LRRC4C: variants seen among roughly 807,000 people sequenced by gnomAD.
LRRC4C encodes the protein leucine rich repeat containing 4C, also known as leucine-rich repeat-containing protein 4C.
A neutral mutation model predicts 33.6 loss-of-function variants in LRRC4C; 5 were observed. That is an observed-to-expected ratio of 0.15 (90% confidence interval 0.08 to 0.31). The LOEUF (loss-of-function observed/expected upper bound fraction) is 0.31. Ranked by LOEUF, LRRC4C falls within the 10% of genes least tolerant of loss-of-function variation. The probability of loss-of-function intolerance (pLI) is 1.00; values close to 1 mark genes in which losing one functional copy is unlikely to be tolerated. For missense variants in LRRC4C, 560 were observed against 796.7 expected, an observed-to-expected ratio of 0.70 and a Z score of 3.58; for synonymous variants, 329 against 302.0, an observed-to-expected ratio of 1.09 and a Z score of -0.93.
chr11:41,442,883 AT>A (rs1955684620), intron 1 of LRRC4C, among the ~76,000 whole-genome samples: 1 of 152,086 alleles, frequency 6.6e-6, no homozygotes, highest in Non-Finnish European at 1.5e-5. Context: ...CTGCCCAACA[AT>A]TACAATGACT....
At chr11:40,582,441 C>G (rs938168049) in intron 3 of LRRC4C, among the ~76,000 whole-genome samples, 7 of 150,372 alleles carry the variant, frequency 4.7e-5, no homozygotes, top group Admixed American at 3.3e-4. Flanking sequence ...CATCCATAGT[C>G]TTTAAAATTC....
intron 3 of LRRC4C, among the ~76,000 whole-genome samples, chr11:40,514,910 T>A (rs1415444434): frequency 2.0e-5 from 3 of 152,122 alleles, no homozygotes; most frequent in Admixed American, 1.3e-4. Flanking sequence ...GACTAGAGTT[T>A]TATAAACCTA....
intron 3 of LRRC4C, among the ~76,000 whole-genome samples, chr11:40,615,762 T>C (rs1961746986): frequency 6.6e-6 from 1 of 151,722 alleles, no homozygotes; most frequent in Non-Finnish European, 1.5e-5. Context: ...CATTCCCTCT[T>C]AACCTTAAAA....
At chr11:40,531,626 G>A (rs769194940) in intron 3 of LRRC4C, among the ~76,000 whole-genome samples, 1 of 152,014 alleles carries the variant, frequency 6.6e-6, no homozygotes, top group Non-Finnish European at 1.5e-5. Flanking sequence ...TTTTGCCTAA[G>A]AGAATATGAA....
At chr11:41,075,241 G>A (rs1319783564) in intron 1 of LRRC4C, among the ~76,000 whole-genome samples, 3 of 151,762 alleles carry the variant, frequency 2.0e-5, no homozygotes, top group African/African-American at 7.3e-5. Flanking sequence ...ATCAATACCA[G>A]CAGTGAAAGT....
At chr11:40,202,371 C>G (rs1452408205) in intron 5 of LRRC4C, among the ~76,000 whole-genome samples, 1 of 151,764 alleles carries the variant, frequency 6.6e-6, no homozygotes, top group Non-Finnish European at 1.5e-5. Context: ...TATCCTCTAA[C>G]CTTGAGAAAA....
intron 1 of LRRC4C, among the ~76,000 whole-genome samples, chr11:41,242,319 A>G (rs1948285247): frequency 6.6e-6 from 1 of 152,100 alleles, no homozygotes; most frequent in South Asian, 2.1e-4. Flanking sequence ...GAACTTTCAA[A>G]CATACCCTAG....
intron 1 of LRRC4C, among the ~76,000 whole-genome samples, chr11:41,192,420 C>T (rs1298353708): frequency 6.9e-6 from 1 of 144,112 alleles, no homozygotes; most frequent in Non-Finnish European, 1.5e-5. Context: ...CACACACACA[C>T]ACACATATAT....
chr11:41,151,274 T>C (rs900645971), intron 1 of LRRC4C, among the ~76,000 whole-genome samples: 3 of 152,158 alleles, frequency 2.0e-5, no homozygotes, highest in Non-Finnish European at 4.4e-5. Context: ...GTCAGCTAAA[T>C]ACTAATGCAG....
At chr11:41,108,153 G>A (rs1163290839) in intron 1 of LRRC4C, among the ~76,000 whole-genome samples, 1 of 151,952 alleles carries the variant, frequency 6.6e-6, no homozygotes, top group African/African-American at 2.4e-5. Context: ...AACAAATATT[G>A]TATCATTATA....
rs539754466 is a variant in LRRC4C, at chr11:40,371,102, A to G, written c.-269-51381T>C. On this transcript the variant is annotated intron_variant, in intron 3 of 6. Transcript: ENST00000528697. Reference sequence around the variant, plus strand: ...CTAGATCACAAAGACATTAATTAAAAAATTAAAAAACACTCACTTTATAGG... The same window carrying G: ...CTAGATCACAAAGACATTAATTAAAGAATTAAAAAACACTCACTTTATAGG... 7.2e-5 allele frequency among the ~76,000 whole-genome samples: 11 copies of G among 152,308 alleles called. No individual in the cohort carries two copies. The East Asian group carries it at 1.7e-3, about 24-fold the overall frequency.
At chr11:41,380,707 G>A (rs1034492689) in intron 1 of LRRC4C, among the ~76,000 whole-genome samples, 1 of 152,086 alleles carries the variant, frequency 6.6e-6, no homozygotes, top group East Asian at 1.9e-4. Context: ...TTATTTGGAA[G>A]GAATTTGCCA....
chr11:40,463,305 G>GGTGTGTGTGTGTGT (rs33911904), intron 3 of LRRC4C, among the ~76,000 whole-genome samples: 2 of 144,496 alleles, frequency 1.4e-5, no homozygotes, highest in East Asian at 4.1e-4. Flanking sequence ...ATGTGTTACT[G>GGTGTGTGTGTGTGT]GTGTGTGTGT....
chr11:40,394,289 A>G (rs554682816), intron 3 of LRRC4C, among the ~76,000 whole-genome samples: 1 of 152,158 alleles, frequency 6.6e-6, no homozygotes, highest in African/African-American at 2.4e-5. Context: ...GTTTGTATAC[A>G]CACAGTGAAT....
intron 1 of LRRC4C, among the ~76,000 whole-genome samples, chr11:41,373,451 T>C (rs1591375946): frequency 6.6e-6 from 1 of 152,194 alleles, no homozygotes; most frequent in African/African-American, 2.4e-5. Context: ...ATTCAGATAA[T>C]TGAAGTCTTC....
chr11:41,001,856 C>A, intron 1 of LRRC4C, among the ~76,000 whole-genome samples: 1 of 113,896 alleles, frequency 8.8e-6, no homozygotes, highest in African/African-American at 3.2e-5. Flanking sequence ...TTCTGATGGT[C>A]TGTGACATTT....
chr11:40,820,519 T>C (rs1951889502), intron 2 of LRRC4C, among the ~76,000 whole-genome samples: 1 of 151,862 alleles, frequency 6.6e-6, no homozygotes, highest in South Asian at 2.1e-4. Flanking sequence ...GTGGGGTTTA[T>C]CCTATAAATC....
chr11:41,396,619 T>C (rs774858779), intron 1 of LRRC4C, among the ~76,000 whole-genome samples: 2 of 152,014 alleles, frequency 1.3e-5, no homozygotes, highest in African/African-American at 2.4e-5. Context: ...TTAACTTTTA[T>C]TTTAAATTCA....
At position 41,388,569 on chromosome 11, in the gene LRRC4C, A is replaced by G. The variant is rs372191929; in HGVS notation, c.-496+70862T>C. Reference sequence around the variant, plus strand: ...GCTAAGGAAGATTTATGAGTTTGCTATGTTTGAACTGTGCCTTGAAGAATC... The same window carrying G: ...GCTAAGGAAGATTTATGAGTTTGCTGTGTTTGAACTGTGCCTTGAAGAATC... On this transcript the variant is annotated intron_variant, in intron 1 of 6. Transcript: ENST00000528697. Among the ~76,000 whole-genome samples the G allele has an allele frequency of 5.9e-4, 90 of 152,054 alleles. 2 individuals are homozygous for G. In the South Asian group the frequency reaches 0.018, roughly 31 times the overall value.
Sources: allele counts gnomAD v4.1 joint callset (sites outside exome capture counted in the v4.1 genomes callset), GRCh38; gene constraint gnomAD v4.1.1; transcripts MANE v1.5; gene names NCBI Gene and HGNC (gene_info 2026-07-23, HGNC 2026-07-21).